C10orf90: variants seen among roughly 807,000 people sequenced by gnomAD.
The protein encoded by C10orf90 is (E2-independent) E3 ubiquitin-conjugating enzyme FATS.
Under a neutral mutation model 62.5 loss-of-function variants are expected in C10orf90, and 56 were observed. The ratio of observed to expected loss-of-function variants is 0.90; its 90% CI spans 0.72 to 1.12. The LOEUF (loss-of-function observed/expected upper bound fraction) is 1.12. Ranked by LOEUF, C10orf90 falls within the 50% of genes most tolerant of loss-of-function variation. The pLI is 0.00. For synonymous variants in C10orf90, 386 were observed against 340.4 expected (o/e 1.13, Z -1.47); for missense variants, 970 against 880.4 (o/e 1.10, Z -1.29).
chr10:126,617,735 A>G (rs1845569975), intron 2 of C10orf90, among the ~76,000 whole-genome samples: 1 of 152,240 alleles, frequency 6.6e-6, no homozygotes, highest in Non-Finnish European at 1.5e-5. Flanking sequence ...CTCCTCTCTC[A>G]GATCAGATTT....
At chr10:126,543,092 T>C (rs568687265) in intron 2 of C10orf90, among the ~76,000 whole-genome samples, 2 of 152,348 alleles carry the variant, frequency 1.3e-5, no homozygotes, top group South Asian at 2.1e-4. Flanking sequence ...ATAAATTACA[T>C]ATATGTGTTT....
intron 2 of C10orf90, among the ~76,000 whole-genome samples, chr10:126,528,239 C>T (rs544608316): frequency 2.0e-5 from 3 of 151,958 alleles, no homozygotes; most frequent in South Asian, 2.1e-4. Flanking sequence ...AAAGAAGGAG[C>T]GAACACCAGA....
intron 4 of C10orf90, among the ~76,000 whole-genome samples, chr10:126,496,373 G>C (rs753832431): frequency 2.6e-4 from 39 of 152,210 alleles, no homozygotes; most frequent in Admixed American, 2.0e-4. Context: ...CCGTGTTTAT[G>C]ATGAGGAGGA....
At chr10:126,606,892 C>T (rs1169466528) in intron 2 of C10orf90, among the ~76,000 whole-genome samples, 1 of 152,160 alleles carries the variant, frequency 6.6e-6, no homozygotes, top group Non-Finnish European at 1.5e-5. Context: ...CAGACAATAG[C>T]CATCAGAAGA....
At chr10:126,631,674 C>A (rs1012850532) in intron 2 of C10orf90, among the ~76,000 whole-genome samples, 3 of 151,950 alleles carry the variant, frequency 2.0e-5, no homozygotes, top group African/African-American at 7.3e-5. Context: ...GATTTAGCCA[C>A]CCTCTACCTC....
chr10:126,650,496 G>A (rs1466216347), intron 1 of C10orf90, among the ~76,000 whole-genome samples: 1 of 152,136 alleles, frequency 6.6e-6, no homozygotes, highest in Non-Finnish European at 1.5e-5. Context: ...ACTTTACAGA[G>A]CTGGAAAGTG....
chr10:126,530,078 T>C (rs1156722530), intron 2 of C10orf90, among the ~76,000 whole-genome samples: 2 of 152,192 alleles, frequency 1.3e-5, no homozygotes, highest in African/African-American at 2.4e-5. Flanking sequence ...AGACTGTTTA[T>C]TGCATCAGTT....
chr10:126,509,032 G>A (rs1047493097), intron 3 of C10orf90, among the ~76,000 whole-genome samples: 2 of 152,196 alleles, frequency 1.3e-5, no homozygotes, highest in East Asian at 1.9e-4. Context: ...CTGTGCTGAG[G>A]GGCTGCAGGC....
chr10:126,487,797 T>C (rs189246594), intron 4 of C10orf90, among the ~76,000 whole-genome samples: 389 of 152,182 alleles, frequency 2.6e-3, no homozygotes, highest in Non-Finnish European at 3.9e-3. Flanking sequence ...AATCTAAATA[T>C]TGTATAATAT....
intron 2 of C10orf90, among the ~76,000 whole-genome samples, chr10:126,566,034 G>T (rs1350041618): frequency 6.6e-6 from 1 of 152,160 alleles, no homozygotes; most frequent in Admixed American, 6.5e-5. Flanking sequence ...CATTAGTTAT[G>T]AATTTTCCAC....
intron 2 of C10orf90, among the ~76,000 whole-genome samples, chr10:126,618,649 T>G (rs1351236955): frequency 6.6e-6 from 1 of 152,122 alleles, no homozygotes; most frequent in Non-Finnish European, 1.5e-5. Context: ...TACTGAAGTA[T>G]GATTCATATA....
chr10:126,565,116 T>TAA (rs1844317134), intron 2 of C10orf90, among the ~76,000 whole-genome samples: 6 of 37,596 alleles, frequency 1.6e-4, no homozygotes, highest in Non-Finnish European at 2.1e-4. Context: ...AAATATATAT[T>TAA]ATATAATATA....
chr10:126,441,049 G>GA (rs1185379594), intron 7 of C10orf90, among the ~76,000 whole-genome samples: 2 of 152,084 alleles, frequency 1.3e-5, no homozygotes, highest in Non-Finnish European at 2.9e-5. Context: ...TAATTTATCT[G>GA]AAAAAAGAAT....
intron 4 of C10orf90, among the ~76,000 whole-genome samples, chr10:126,487,151 A>AAAAAAAAAAAAAAAAAAAAAAAAAAAAAC (rs1861482953): frequency 6.7e-6 from 1 of 148,888 alleles, no homozygotes; most frequent in Admixed American, 6.7e-5. Flanking sequence ...TCAAAAAAAA[A>AAAAAAAAAAAAAAAAAAAAAAAAAAAAAC]AAAAAAAAAA....
In C10orf90 at chr10:126,425,653, C is replaced by A; in HGVS notation, c.*211G>T. ...GGGTTACATGGAGGTGGTTTCCCCA[C>A]AACAGATTGTTGACCTATTTTCTCG... On this transcript the variant is annotated 3_prime_UTR_variant, in exon 10 of 10. Transcript: ENST00000488181. The A allele has an allele frequency of 1.7e-6, 1 of 596,390 alleles. No individual in the cohort carries two copies. Among genetic ancestry groups the A allele is most frequent in the East Asian group, 2.8e-5 (1 of 35,584 alleles). 36.9% of individuals were successfully genotyped at this position (596,390 alleles called of 1,614,324 possible).
At chr10:126,559,575 C>T (rs1330546652) in intron 2 of C10orf90, among the ~76,000 whole-genome samples, 3 of 152,184 alleles carry the variant, frequency 2.0e-5, no homozygotes, top group East Asian at 1.9e-4. Flanking sequence ...CCCACCAACC[C>T]CTGACCCTCC....
intron 7 of C10orf90, among the ~76,000 whole-genome samples, chr10:126,445,846 C>G (rs111481859): frequency 1.4e-5 from 2 of 139,390 alleles, no homozygotes; most frequent in Non-Finnish European, 3.0e-5. Context: ...TACTACTCAG[C>G]CATAAAAAGG....
intron 2 of C10orf90, among the ~76,000 whole-genome samples, chr10:126,566,908 C>T (rs886352811): frequency 6.6e-6 from 1 of 152,048 alleles, no homozygotes; most frequent in African/African-American, 2.4e-5. Flanking sequence ...CTCTAGATTT[C>T]CTACTGAGAC....
At chr10:126,614,598 T>C (rs1175277347) in intron 2 of C10orf90, among the ~76,000 whole-genome samples, 1 of 152,108 alleles carries the variant, frequency 6.6e-6, no homozygotes, top group Non-Finnish European at 1.5e-5. Flanking sequence ...AGTTCTACCA[T>C]GCTTAAGGTG....
Sources: gnomAD v4.1 joint callset for allele counts (sites outside exome capture counted in the v4.1 genomes callset) on GRCh38, gnomAD v4.1.1 for gene constraint, MANE v1.5 for transcripts, NCBI Gene and HGNC (gene_info 2026-07-23, HGNC 2026-07-21) for gene names.